RYR2: variants seen among roughly 807,000 people sequenced by gnomAD.
RYR2 encodes ryanodine receptor 2.
RYR2 carries 227 observed loss-of-function variants against 601.1 expected under a neutral mutation model. The observed-to-expected ratio is 0.38, with a 90% CI of 0.34 to 0.42. RYR2 has a LOEUF of 0.42. RYR2 is among the 10% of genes least tolerant of loss of function. The pLI is 1.00. For synonymous variants in RYR2, 2,223 were observed against 2,175.1 expected, an observed-to-expected ratio of 1.02 and a Z score of -0.61; for missense variants, 4,646 against 6,156.5, an observed-to-expected ratio of 0.75 and a Z score of 8.21.
At chr1:237,601,150 C>G (rs1184099005) in intron 34 of RYR2, among the ~76,000 whole-genome samples, 1 of 152,266 alleles carries the variant, frequency 6.6e-6, no homozygotes, top group South Asian at 2.1e-4. Flanking sequence ...TATCACAGCA[C>G]TACTCACAAT....
chr1:237,630,494 T>C (rs1680136028), intron 41 of RYR2, among the ~76,000 whole-genome samples: 1 of 152,164 alleles, frequency 6.6e-6, no homozygotes, highest in South Asian at 2.1e-4. Context: ...TTTCTTGATA[T>C]AGCCAGAGTA....
chr1:237,342,074 G>A (rs1298937415), intron 3 of RYR2, among the ~76,000 whole-genome samples: 1 of 151,988 alleles, frequency 6.6e-6, no homozygotes, highest in Non-Finnish European at 1.5e-5. Flanking sequence ...CAAATAATAT[G>A]CACGCATACA....
intron 101 of RYR2, among the ~76,000 whole-genome samples, chr1:237,827,936 CAAAAAAAAAAAAAAAA>C (rs58421624): frequency 4.3e-5 from 3 of 69,318 alleles, no homozygotes; most frequent in Admixed American, 2.3e-4. Flanking sequence ...GACTCCGTCT[CAAAAAAAAAAAAAAAA>C]AAAAAAAAAA....
chr1:237,666,466 C>A (rs1684335649), intron 56 of RYR2, 46 bp from the exon 57 acceptor site: 1 of 1,523,352 alleles, frequency 6.6e-7, no homozygotes, highest in Non-Finnish European at 9.0e-7. Context: ...AGTCTCTCTT[C>A]ACAAGGTTTT....
At chr1:237,286,766 A>C (rs1691622871) in intron 2 of RYR2, among the ~76,000 whole-genome samples, 1 of 151,766 alleles carries the variant, frequency 6.6e-6, no homozygotes, top group Non-Finnish European at 1.5e-5. Context: ...GTGGTTCTAT[A>C]TCTTTTGAGT....
chr1:237,669,532 CG>C (rs1273599641), intron 58 of RYR2, among the ~76,000 whole-genome samples: 2 of 150,110 alleles, frequency 1.3e-5, no homozygotes, highest in African/African-American at 2.5e-5. Flanking sequence ...CCCTCCCGCA[CG>C]GGGCGGCTGC....
intron 1 of RYR2, among the ~76,000 whole-genome samples, chr1:237,259,448 C>T (rs1434304654): frequency 2.0e-5 from 3 of 150,866 alleles, no homozygotes; most frequent in Non-Finnish European, 4.4e-5. Context: ...GCAGAGGTTG[C>T]AGTGAGTGAG....
intron 42 of RYR2, among the ~76,000 whole-genome samples, 165 bp downstream of exon 42, chr1:237,631,706 C>T (rs1332393640): frequency 3.7e-5 from 5 of 136,616 alleles, no homozygotes; most frequent in African/African-American, 1.4e-4. Context: ...CGGCTCACTG[C>T]AAGCTCCGCC....
chr1:237,717,055 A>G, intron 71 of RYR2, 143 bp from the exon 72 acceptor site: 1 of 669,404 alleles, frequency 1.5e-6, no homozygotes, highest in Non-Finnish European at 2.4e-6. Context: ...GAAGAGAAAA[A>G]TTATTCTCAA....
At chr1:237,798,731 A>G (rs1424197814) in intron 97 of RYR2, among the ~76,000 whole-genome samples, 1 of 150,626 alleles carries the variant, frequency 6.6e-6, no homozygotes, top group East Asian at 1.9e-4. Context: ...TCATGGAATA[A>G]TATGTTTCTA....
At chr1:237,783,074 A>G (rs989872977) in intron 89 of RYR2, among the ~76,000 whole-genome samples, 1 of 152,202 alleles carries the variant, frequency 6.6e-6, no homozygotes, top group African/African-American at 2.4e-5. Context: ...AACTATACAC[A>G]CTGACTCATG....
chr1:237,141,440 C>A (rs1673381260), intron 1 of RYR2, among the ~76,000 whole-genome samples: 1 of 152,172 alleles, frequency 6.6e-6, no homozygotes, highest in African/African-American at 2.4e-5. Flanking sequence ...AATGAGGCGT[C>A]CCCCAAATTG....
chr1:237,438,755 G>T (rs1457060142), intron 12 of RYR2, among the ~76,000 whole-genome samples: 6 of 152,218 alleles, frequency 3.9e-5, no homozygotes, highest in African/African-American at 1.4e-4. Flanking sequence ...GACAGATTGG[G>T]CACTGCATGC....
intron 1 of RYR2, among the ~76,000 whole-genome samples, chr1:237,123,913 C>T (rs569216193): frequency 3.9e-5 from 6 of 152,176 alleles, no homozygotes; most frequent in Non-Finnish European, 7.4e-5. Flanking sequence ...ATGATCCACC[C>T]GCCTCGGCCT....
intron 1 of RYR2, among the ~76,000 whole-genome samples, chr1:237,140,432 C>G (rs111322413): frequency 6.6e-6 from 1 of 152,186 alleles, no homozygotes; most frequent in African/African-American, 2.4e-5. Context: ...TAGTTCACCG[C>G]TCTGTGAACT....
At position 237,388,159 on chromosome 1, in the gene RYR2, G is replaced by T. The variant is rs376925177; in HGVS notation, c.749G>T (p.Gly250Val). 2 of 1,613,906 alleles carry T rather than the reference G, an allele frequency of 1.2e-6. No individual in the cohort carries two copies. The highest frequency in any genetic ancestry group is 8.5e-7 in the Non-Finnish European group (1 of 1,179,874). Reference protein sequence around the residue: ...HMDECLTVPSGEHGEEQRRTV... With the variant: ...HMDECLTVPSVEHGEEQRRTV... ...GACGAGTGTCTCACTGTCCCTTCAG[G>T]AGAACATGGTGAAGAGCAGCGGAGG... The change falls in exon 10 of 105, where the codon GGA becomes GTA. Residue 250 changes from glycine (G) to valine (V), a missense_variant. Around this residue, in one of 17 missense-constraint regions of RYR2, gnomAD observed 87 missense variants for 144.7 expected, o/e 0.60. Coordinates refer to ENST00000366574, the MANE Select transcript of RYR2 (RefSeq NM_001035.3).
At position 237,104,514 on chromosome 1, in the gene RYR2, C is replaced by T. The variant is rs568997689; in HGVS notation, c.48+61945C>T. Among the ~76,000 whole-genome samples the T allele has an allele frequency of 4.6e-5, 7 of 152,288 alleles. No homozygotes were observed. In the East Asian group the frequency reaches 5.8e-4, roughly 13 times the overall value. On this transcript the variant is annotated intron_variant, in intron 1 of 104. Transcript: ENST00000366574. ...GGCATGGTGAGTTGACCAACACCATCGCTTAAATGTGCTGTGCCTTTTACA... is the reference window on the plus strand; with the variant it reads ...GGCATGGTGAGTTGACCAACACCATTGCTTAAATGTGCTGTGCCTTTTACA...
At chr1:237,452,032 G>A (rs1275753377) in intron 14 of RYR2, among the ~76,000 whole-genome samples, 4 of 142,812 alleles carry the variant, frequency 2.8e-5, no homozygotes, top group Non-Finnish European at 4.6e-5. Flanking sequence ...TTCAGGGAAG[G>A]GAGCTCTATT....
chr1:237,059,481 T>C lies in RYR2; in HGVS notation c.48+16912T>C, dbSNP rs186687635. The stretch of plus-strand genomic sequence containing the variant: ...ACAGCTTCCAAGAAGGGCCCTGATA[T>C]TGTGGATAAATGGAGTCTATTTTTA... On this transcript the variant is annotated intron_variant, in intron 1 of 104. Transcript: ENST00000366574. Among the ~76,000 whole-genome samples, 325 of 152,208 alleles carry C rather than the reference T, an allele frequency of 2.1e-3. 2 individuals are homozygous for C. The highest frequency in any genetic ancestry group is 0.018 in the South Asian group (88 of 4,814).
Sources: allele counts gnomAD v4.1 joint callset (sites outside exome capture counted in the v4.1 genomes callset), GRCh38; gene constraint gnomAD v4.1.1; regional missense constraint gnomAD v4.1.1; transcripts MANE v1.5; gene names NCBI Gene and HGNC (gene_info 2026-07-23, HGNC 2026-07-21).